The following ENAH variants were observed in gnomAD, a reference collection of about 807,000 sequenced individuals.
ENAH encodes the protein protein enabled homolog.
In ENAH, 23 loss-of-function variants were observed where a neutral mutation model predicts 78.7. That is an observed-to-expected ratio of 0.29 (90% CI 0.21 to 0.41). The LOEUF (loss-of-function observed/expected upper bound fraction) is 0.41. Among genes scored for constraint, ENAH ranks in the 10% least tolerant of loss-of-function variants. ENAH has a pLI of 1.00. For synonymous variants in ENAH, 226 were observed against 241.0 expected, an observed-to-expected ratio of 0.94 and a Z score of 0.58; for missense variants, 544 against 691.0, an observed-to-expected ratio of 0.79 and a Z score of 2.39.
At chr1:225,602,106 A>C (rs1262547149) in intron 1 of ENAH, among the ~76,000 whole-genome samples, 1 of 152,108 alleles carries the variant, frequency 6.6e-6, no homozygotes, top group Non-Finnish European at 1.5e-5. Context: ...AAAAAGACAA[A>C]GAAGATCCAA....
At chr1:225,594,925 A>G (rs1479542262) in intron 1 of ENAH, among the ~76,000 whole-genome samples, 1 of 152,226 alleles carries the variant, frequency 6.6e-6, no homozygotes, top group Non-Finnish European at 1.5e-5. Context: ...CAATCAAGAA[A>G]AAATAGGTAT....
At chr1:225,645,283 G>C (rs780792119) in intron 1 of ENAH, among the ~76,000 whole-genome samples, 1 of 152,148 alleles carries the variant, frequency 6.6e-6, no homozygotes, top group Non-Finnish European at 1.5e-5. Flanking sequence ...CATATAAATG[G>C]AATCATGGCA....
chr1:225,652,644 G>T (rs1024963041), intron 1 of ENAH, 42 bp downstream of exon 1: 1 of 1,264,770 alleles, frequency 7.9e-7, no homozygotes, highest in Non-Finnish European at 1.0e-6. Context: ...CGGCTCCCGC[G>T]GCACAATGGC....
chr1:225,535,558 T>C (rs1359567974), intron 3 of ENAH: 2 of 1,303,522 alleles, frequency 1.5e-6, no homozygotes, highest in Admixed American at 4.6e-5. Flanking sequence ...GTAACCTTGC[T>C]CTGGGCTGCA....
At chr1:225,532,250 G>A (rs376552190) in intron 3 of ENAH, among the ~76,000 whole-genome samples, 11 of 152,160 alleles carry the variant, frequency 7.2e-5, no homozygotes, top group South Asian at 4.1e-4. Flanking sequence ...GGGGAGGGGC[G>A]GGTAAATCTG....
At position 225,593,903 on chromosome 1, in the gene ENAH, G is replaced by C. The variant is rs552717214; in HGVS notation, c.6-26489C>G. Among the ~76,000 whole-genome samples the C allele has an allele frequency of 2.0e-5, 3 of 152,312 alleles. No homozygotes were observed. In the South Asian group the frequency reaches 6.2e-4, roughly 32 times the overall value. ...TTTCTGATAATATCAATAAAGTGTA[G>C]TTATTAACAATCAACAGTTGCTTGC... On this transcript the variant is annotated intron_variant, in intron 1 of 13. Transcript: ENST00000366843.
chr1:225,567,542 G>T, intron 1 of ENAH, 128 bp from the exon 2 acceptor site: 1 of 889,042 alleles, frequency 1.1e-6, no homozygotes, highest in Non-Finnish European at 1.6e-6. Flanking sequence ...AACAATAATG[G>T]ACAAGACAGA....
chr1:225,555,974 C>A (rs1558807038), intron 2 of ENAH, among the ~76,000 whole-genome samples: 1 of 152,088 alleles, frequency 6.6e-6, no homozygotes, highest in Non-Finnish European at 1.5e-5. Flanking sequence ...TGGAGTTATA[C>A]AACATGTATT....
At chr1:225,626,808 C>T (rs1658025479) in intron 1 of ENAH, among the ~76,000 whole-genome samples, 1 of 152,114 alleles carries the variant, frequency 6.6e-6, no homozygotes, top group Non-Finnish European at 1.5e-5. Context: ...AAGGCAAAAC[C>T]ACAATAGCGT....
chr1:225,507,896 CATTA>C, intron 11 of ENAH, 51 bp downstream of exon 11: 1 of 1,246,012 alleles, frequency 8.0e-7, no homozygotes, highest in Non-Finnish European at 1.1e-6. Flanking sequence ...ACTAAGAATG[CATTA>C]ATTTTTTTTT....
chr1:225,615,094 C>T (rs572010956), intron 1 of ENAH, among the ~76,000 whole-genome samples: 1 of 152,194 alleles, frequency 6.6e-6, no homozygotes, highest in South Asian at 2.1e-4. Flanking sequence ...TGATGCCGAG[C>T]GGAGGCTGGA....
chr1:225,652,514 C>G, intron 1 of ENAH, 172 bp downstream of exon 1: 1 of 859,236 alleles, frequency 1.2e-6, no homozygotes, highest in Non-Finnish European at 1.4e-6. Context: ...GGGGAGGTTT[C>G]CAAGAAAGAA....
intron 1 of ENAH, among the ~76,000 whole-genome samples, chr1:225,580,924 A>T (rs896889577): frequency 1.3e-5 from 2 of 151,650 alleles, no homozygotes; most frequent in African/African-American, 2.4e-5. Context: ...AAAAAAAAAA[A>T]AAAAAAAGCC....
At chr1:225,600,989 C>CA (rs1210961041) in intron 1 of ENAH, among the ~76,000 whole-genome samples, 1 of 151,200 alleles carries the variant, frequency 6.6e-6, no homozygotes, top group African/African-American at 2.4e-5. Context: ...AATTTTTCCC[C>CA]AAAAAAAGCA....
At chr1:225,508,046 A>C (rs769070109) in intron 10 of ENAH, 29 bp from the exon 11 acceptor site, 26 of 1,371,940 alleles carry the variant, frequency 1.9e-5, no homozygotes, top group Non-Finnish European at 2.6e-5. Flanking sequence ...AAAGCTATTA[A>C]ATAAATAAAT....
chr1:225,508,407 T>G (rs1000727536), intron 10 of ENAH: 1 of 153,128 alleles, frequency 6.5e-6, no homozygotes, highest in Non-Finnish European at 1.5e-5. Flanking sequence ...TTTTAAATTA[T>G]TTTTTAGTGC....
Position 225,490,504 on chromosome 1 carries a change from G to C in ENAH, c.*7271C>G, listed in dbSNP as rs904701999. 1 of 152,060 alleles carries C rather than the reference G, an allele frequency of 6.6e-6. No individual in the cohort carries two copies. The highest frequency in any genetic ancestry group is 2.4e-5 in the African/African-American group (1 of 41,402). 9.4% of individuals were successfully genotyped at this position (152,060 alleles called of 1,614,324 possible). A position where few individuals can be genotyped will look rare whatever the true frequency, so the allele number is the denominator to read the frequency against. Reference sequence around the variant, plus strand: ...AGGAAAATCCCTTTGAACCCAGGGGGGGGAAGTTGCAGTGAGCCGAGATCG... The same window carrying C: ...AGGAAAATCCCTTTGAACCCAGGGGCGGGAAGTTGCAGTGAGCCGAGATCG... On this transcript the variant is annotated 3_prime_UTR_variant, in exon 14 of 14. Transcript: ENST00000366843.
At chr1:225,541,825 A>G (rs1454699449) in intron 3 of ENAH, among the ~76,000 whole-genome samples, 1 of 152,236 alleles carries the variant, frequency 6.6e-6, no homozygotes, top group Non-Finnish European at 1.5e-5. Flanking sequence ...TGTGGAAATT[A>G]CAGTTCTGTT....
intron 3 of ENAH, 112 bp downstream of exon 3, chr1:225,554,793 AC>A: frequency 1.1e-6 from 1 of 885,050 alleles, no homozygotes; most frequent in South Asian, 3.8e-5. Context: ...AAGTTAACAA[AC>A]ATTTGTTTTA....
Sources: gnomAD v4.1 joint callset for allele counts (sites outside exome capture counted in the v4.1 genomes callset) on GRCh38, gnomAD v4.1.1 for gene constraint, MANE v1.5 for transcripts, NCBI Gene and HGNC (gene_info 2026-07-23, HGNC 2026-07-21) for gene names.